UQCC6: variants seen among roughly 807,000 people sequenced by gnomAD.
UQCC6 encodes the protein protein BRAWNIN.
the UQCC6 span, chr12:103,951,749 C>T: frequency 1.1e-4 from 63 of 587,000 alleles, no homozygotes; most frequent in Non-Finnish European, 8.8e-5. Context: ...GCTTGCTACT[C>T]AATGATAACT....
the UQCC6 span, chr12:103,953,764 T>G: frequency 1.8e-6 from 1 of 562,650 alleles, no homozygotes; most frequent in African/African-American, 1.9e-5. Context: ...TGTGGCTTCA[T>G]TCTATCTCCT....
At chr12:103,958,007 T>TTATA in the UQCC6 span, among the ~76,000 whole-genome samples, 11,162 of 132,218 alleles carry the variant, frequency 0.084, 624 homozygotes, top group East Asian at 0.3. Flanking sequence ...TAATATATAT[T>TTATA]TATTTTTAAT....
chr12:103,956,584 G>T, the UQCC6 span: 2 of 1,229,846 alleles, frequency 1.6e-6, no homozygotes, highest in South Asian at 2.6e-5. Flanking sequence ...ACAAAGAAAT[G>T]AGGTATATTT....
the UQCC6 span, chr12:103,951,634 C>CAA: frequency 3.4e-3 from 4,776 of 1,418,662 alleles, 13 homozygotes; most frequent in African/African-American, 0.028. Flanking sequence ...GTATTGTCTG[C>CAA]AAAAAAAACA....
the UQCC6 span, among the ~76,000 whole-genome samples, chr12:103,955,385 CCAA>C: frequency 6.6e-6 from 1 of 152,048 alleles, no homozygotes; most frequent in African/African-American, 2.4e-5. Context: ...ACCTGTAATC[CCAA>C]CACTTTCAGA....
the UQCC6 span, among the ~76,000 whole-genome samples, chr12:103,962,485 C>A: frequency 1.3e-5 from 2 of 152,166 alleles, no homozygotes; most frequent in East Asian, 3.9e-4. Flanking sequence ...ACTTGACTCC[C>A]AAGGTGGAGC....
chr12:103,959,975 A>G, the UQCC6 span, among the ~76,000 whole-genome samples: 1 of 151,402 alleles, frequency 6.6e-6, no homozygotes, highest in African/African-American at 2.4e-5. Context: ...GGGTTTCACC[A>G]TGTTGTCCAG....
At chr12:103,959,697 G>A in the UQCC6 span, among the ~76,000 whole-genome samples, 1 of 151,356 alleles carries the variant, frequency 6.6e-6, no homozygotes, top group Non-Finnish European at 1.5e-5. Context: ...GGGTGACAAA[G>A]CAAGAGTCCG....
chr12:103,952,476 T>G, the UQCC6 span, among the ~76,000 whole-genome samples: 1,102 of 152,360 alleles, frequency 7.2e-3, 22 homozygotes, highest in African/African-American at 0.026. Context: ...ATAATACTGC[T>G]CTGAACATTC....
chr12:103,957,355 C>G, the UQCC6 span: 2 of 151,876 alleles, frequency 1.3e-5, no homozygotes, highest in South Asian at 4.2e-4. Flanking sequence ...CAGCCCCAGG[C>G]TCCCAGCACC....
chr12:103,959,847 A>G, the UQCC6 span, among the ~76,000 whole-genome samples: 1 of 122,376 alleles, frequency 8.2e-6, no homozygotes, highest in South Asian at 2.7e-4. Context: ...CTCTGTCACC[A>G]GGCTGGAGTG....
the UQCC6 span, among the ~76,000 whole-genome samples, chr12:103,958,718 T>C: frequency 2.6e-5 from 4 of 152,192 alleles, no homozygotes; most frequent in African/African-American, 7.2e-5. Context: ...TGTTTCTAGT[T>C]GTTGGTGTGT....
chr12:103,951,600 C>T, the UQCC6 span: 1 of 1,545,958 alleles, frequency 6.5e-7, no homozygotes, highest in Non-Finnish European at 8.7e-7. Flanking sequence ...GTTTTGAGTT[C>T]TCCACGCTTT....
chr12:103,951,518 CATAGTT>C, the UQCC6 span: 1 of 1,431,772 alleles, frequency 7.0e-7, no homozygotes, highest in East Asian at 2.5e-5. Flanking sequence ...GAATTCTTGG[CATAGTT>C]ATTTAAGTTC....
At chr12:103,951,400 A>G in the UQCC6 span, 1 of 528,478 alleles carries the variant, frequency 1.9e-6, no homozygotes. Context: ...TCGGCTAAAC[A>G]TCCACTGAGC....
the UQCC6 span, among the ~76,000 whole-genome samples, chr12:103,958,300 A>T: frequency 0.31 from 46,479 of 151,656 alleles, 8,088 homozygotes; most frequent in Non-Finnish European, 0.38. Context: ...ATATTTGTAA[A>T]GAGTCTTATG....
chr12:103,956,869 C>A, the UQCC6 span: 1 of 640,190 alleles, frequency 1.6e-6, no homozygotes, highest in Non-Finnish European at 2.8e-6. Context: ...GCAGGAGGAC[C>A]CCTGGGTTCT....
the UQCC6 span, among the ~76,000 whole-genome samples, chr12:103,960,276 T>C: frequency 3.3e-5 from 5 of 151,950 alleles, no homozygotes; most frequent in African/African-American, 1.2e-4. Flanking sequence ...TTTCACCACG[T>C]TGGCCAGGGT....
the UQCC6 span, chr12:103,965,627 ATC>A: frequency 3.0e-5 from 6 of 199,688 alleles, no homozygotes; most frequent in Non-Finnish European, 6.0e-5. Context: ...ACAGCACCCT[ATC>A]GCCCACGCGT....
Sources: allele counts gnomAD v4.1 joint callset (sites outside exome capture counted in the v4.1 genomes callset), GRCh38; gene constraint gnomAD v4.1.1; transcripts MANE v1.5; gene names NCBI Gene and HGNC (gene_info 2026-07-23, HGNC 2026-07-21).